Variants in GRAMD1B observed in about 807,000 individuals in gnomAD.
GRAMD1B encodes protein Aster-B.
GRAMD1B carries 37 observed loss-of-function variants against 99.7 expected under a neutral mutation model. The ratio of observed to expected loss-of-function variants is 0.37; its 90% CI spans 0.29 to 0.49. GRAMD1B has a LOEUF of 0.49. Ranked by LOEUF, GRAMD1B falls within the 20% of genes least tolerant of loss-of-function variation. The pLI is 0.98. For missense variants in GRAMD1B, 888 were observed against 1,009.2 expected (o/e 0.88, Z 1.63); for synonymous variants, 427 against 387.6 (o/e 1.10, Z -1.19).
At chr11:123,409,408 G>A (rs1314975671) in intron 1 of GRAMD1B, among the ~76,000 whole-genome samples, 2 of 152,246 alleles carry the variant, frequency 1.3e-5, no homozygotes, top group South Asian at 2.1e-4. Flanking sequence ...TAACTGTGCC[G>A]CAGTCATCTC....
At chr11:123,511,719 G>A (rs756197751) in intron 2 of GRAMD1B, among the ~76,000 whole-genome samples, 1 of 152,132 alleles carries the variant, frequency 6.6e-6, no homozygotes, top group Non-Finnish European at 1.5e-5. Context: ...GAGCAGGTTG[G>A]GTATCCTGTG....
chr11:123,423,824 C>G (rs891991277), intron 1 of GRAMD1B, among the ~76,000 whole-genome samples: 1 of 152,210 alleles, frequency 6.6e-6, no homozygotes, highest in African/African-American at 2.4e-5. Flanking sequence ...TGTAAAATCT[C>G]TCATCATCTT....
intron 2 of GRAMD1B, among the ~76,000 whole-genome samples, chr11:123,514,716 C>A (rs1184060261): frequency 6.6e-6 from 1 of 152,154 alleles, no homozygotes; most frequent in Admixed American, 6.5e-5. Context: ...ATAGACACTG[C>A]GAACAGCTGA....
chr11:123,594,889 C>A, intron 6 of GRAMD1B, 51 bp downstream of exon 6: 2 of 921,304 alleles, frequency 2.2e-6, no homozygotes, highest in Non-Finnish European at 3.7e-6. Flanking sequence ...TATGGCTGAG[C>A]AAGCTGCCCT....
intron 2 of GRAMD1B, among the ~76,000 whole-genome samples, chr11:123,524,372 A>G (rs1453042305): frequency 2.4e-5 from 2 of 84,288 alleles, no homozygotes; most frequent in Non-Finnish European, 6.0e-5. Flanking sequence ...ACAGAGTCTC[A>G]CTCTGTCTCC....
At chr11:123,527,561 G>A (rs577711444) in intron 2 of GRAMD1B, among the ~76,000 whole-genome samples, 3 of 152,104 alleles carry the variant, frequency 2.0e-5, no homozygotes, top group South Asian at 4.2e-4. Context: ...TTGGGGTCTG[G>A]TACCCCATTC....
At chr11:123,601,558 G>A (rs567360916) in intron 8 of GRAMD1B, among the ~76,000 whole-genome samples, 1 of 150,316 alleles carries the variant, frequency 6.7e-6, no homozygotes, top group South Asian at 2.1e-4. Context: ...TGATTGACAT[G>A]GGTGTATTTA....
intron 2 of GRAMD1B, among the ~76,000 whole-genome samples, chr11:123,512,729 CCTT>C (rs1282918924): frequency 1.1e-5 from 1 of 93,802 alleles, no homozygotes; most frequent in Non-Finnish European, 2.1e-5. Context: ...TTTTTTTTAA[CCTT>C]CTCTAATCCA....
rs575867255 is a variant in GRAMD1B, at chr11:123,368,731, G to A, written c.-176+9932G>A. On this transcript the variant is annotated intron_variant, in intron 1 of 20. Transcript: ENST00000638157. ...AGAAAGAAAGAAAAAAGAAAAGTAA[G>A]GTAATGAAATCAAAATTTGAGCAGG... Among the ~76,000 whole-genome samples, 4 of 148,442 alleles carry A rather than the reference G, an allele frequency of 2.7e-5. No individual in the cohort carries two copies. The East Asian group carries it at 7.9e-4, about 29-fold the overall frequency.
intron 4 of GRAMD1B, among the ~76,000 whole-genome samples, chr11:123,590,420 A>G (rs750330641): frequency 2.0e-5 from 3 of 151,680 alleles, no homozygotes; most frequent in Admixed American, 6.6e-5. Context: ...TCCCCTCCCT[A>G]CTCCACGCCT....
In GRAMD1B at chr11:123,605,424, A is replaced by G. The variant is rs1018447590; in HGVS notation, c.1269A>G (p.Lys423=). 1 of 1,613,522 alleles carries G rather than the reference A, an allele frequency of 6.2e-7. No individual in the cohort carries two copies. The highest frequency in any genetic ancestry group is 8.5e-7 in the Non-Finnish European group (1 of 1,179,660). ...KPDASPQLPK[K]SITNSTLTST... is the part of the protein sequence containing the mutation. ...ATGCCAGTCCACAGCTGCCCAAGAA[A>G]TCCATCACCAACAGCACACTAACAT... The change falls in exon 10 of 20, where the codon AAA becomes AAG. Residue 423 remains lysine, a synonymous_variant. Transcript: ENST00000635736.
In GRAMD1B at chr11:123,490,457, C is replaced by A. The variant is rs77645919; in HGVS notation, c.452+9564C>A. 3.7e-3 allele frequency among the ~76,000 whole-genome samples: 557 copies of A among 152,228 alleles called. 3 individuals carry two copies. The highest frequency in any genetic ancestry group is 0.013 in the African/African-American group (523 of 41,542). On this transcript the variant is annotated intron_variant, in intron 2 of 19. Transcript: ENST00000635736. ...TCTTTGAGACGGGAGATGACAGGATCAGATTTGCTTATGAAAAAATTGCTT... is the reference window on the plus strand; with the variant it reads ...TCTTTGAGACGGGAGATGACAGGATAAGATTTGCTTATGAAAAAATTGCTT...
In GRAMD1B at chr11:123,361,005, A is replaced by G. The variant is rs528238727; in HGVS notation, c.-176+2206A>G. ...CTAATTTTTTGTATTTTTACTAGAG[A>G]TGGGGTTTCACCATGTTGGCCAGGC... is the stretch of plus-strand genomic sequence containing the variant. On this transcript the variant is annotated intron_variant, in intron 1 of 20. Coordinates refer to the GRAMD1B transcript ENST00000638157. 1.5e-4 allele frequency among the ~76,000 whole-genome samples: 23 copies of G among 151,980 alleles called. 1 individual carries two copies. Among genetic ancestry groups the G allele is most frequent in the African/African-American group, 5.3e-4 (22 of 41,422 alleles).
intron 1 of GRAMD1B, chr11:123,458,673 A>T (rs1950268605): frequency 6.8e-6 from 1 of 147,260 alleles, no homozygotes; most frequent in Non-Finnish European, 1.5e-5. Flanking sequence ...AGATAAGGAA[A>T]CAGTGAAAGG....
chr11:123,363,986 C>G (rs909943006), intron 1 of GRAMD1B, among the ~76,000 whole-genome samples: 10 of 152,276 alleles, frequency 6.6e-5, no homozygotes, highest in East Asian at 1.9e-4. Flanking sequence ...GGGGGCCAAT[C>G]AATCGGACAT....
At chr11:123,376,729 G>A (rs745476415) in intron 1 of GRAMD1B, among the ~76,000 whole-genome samples, 1 of 152,066 alleles carries the variant, frequency 6.6e-6, no homozygotes, top group South Asian at 2.1e-4. Flanking sequence ...CCCTTTGTCC[G>A]GCATCTGGTC....
chr11:123,396,925 C>A (rs1947484308), intron 1 of GRAMD1B, among the ~76,000 whole-genome samples: 1 of 152,132 alleles, frequency 6.6e-6, no homozygotes, highest in Non-Finnish European at 1.5e-5. Context: ...AATTAATATT[C>A]ATACCAATCC....
chr11:123,401,087 T>G (rs1947643786), intron 1 of GRAMD1B, among the ~76,000 whole-genome samples: 1 of 152,182 alleles, frequency 6.6e-6, no homozygotes, highest in African/African-American at 2.4e-5. Flanking sequence ...AACAACCATA[T>G]GAAGTAGGTT....
intron 1 of GRAMD1B, among the ~76,000 whole-genome samples, chr11:123,445,648 T>G (rs1174286830): frequency 6.6e-6 from 1 of 151,986 alleles, no homozygotes; most frequent in East Asian, 1.9e-4. Flanking sequence ...AAACCCCCTC[T>G]CTACCACAAA....
Sources: gnomAD v4.1 joint callset for allele counts (sites outside exome capture counted in the v4.1 genomes callset) on GRCh38, gnomAD v4.1.1 for gene constraint, MANE v1.5 for transcripts, NCBI Gene and HGNC (gene_info 2026-07-23, HGNC 2026-07-21) for gene names.